Variants in SYTL5 observed in about 807,000 individuals in gnomAD.
SYTL5 encodes the protein synaptotagmin like 5.
SYTL5 carries 34 observed loss-of-function variants against 55.9 expected under a neutral mutation model. The observed-to-expected ratio is 0.61, with a 90% CI of 0.46 to 0.81. SYTL5 has a LOEUF of 0.81. Among genes scored for constraint, SYTL5 ranks in the 30% least tolerant of loss-of-function variants. SYTL5 has a pLI of 0.00. For missense variants in SYTL5, 637 were observed against 546.7 expected (o/e 1.17, Z -1.65); for synonymous variants, 221 against 188.7 (o/e 1.17, Z -1.40).
intron 3 of SYTL5, 57 bp from the exon 4 acceptor site, chrX:38,071,990 G>T (rs1936277225): frequency 1.2e-6 from 1 of 851,706 alleles, no homozygotes; most frequent in Non-Finnish European, 1.7e-6. Flanking sequence ...ATTTTTGAGA[G>T]TTAATTATGT....
At chrX:37,940,077 C>A in the SYTL5 span, among the ~76,000 whole-genome samples, 1 of 109,892 alleles carries the variant, frequency 9.1e-6, no homozygotes, top group Non-Finnish European at 1.9e-5. Flanking sequence ...CTAAGGTGAT[C>A]CGCCCGCCTC....
chrX:38,055,413 G>C, intron 3 of SYTL5, among the ~76,000 whole-genome samples: 1 of 111,328 alleles, frequency 9.0e-6, no homozygotes, highest in Middle Eastern at 4.6e-3. Context: ...AGTCTCTACT[G>C]CTCCCCTCCT....
the SYTL5 span, among the ~76,000 whole-genome samples, chrX:37,985,248 A>G: frequency 8.9e-6 from 1 of 112,028 alleles, no homozygotes; most frequent in Non-Finnish European, 1.9e-5. Context: ...CTAAAAGTCT[A>G]TTAGAACTAG....
the SYTL5 span, chrX:37,946,534 T>C: frequency 5.2e-5 from 10 of 192,587 alleles, no homozygotes; most frequent in Admixed American, 4.8e-4. Context: ...AATTCTTCTT[T>C]GGACATGGGT....
the SYTL5 span, among the ~76,000 whole-genome samples, chrX:37,910,130 C>T: frequency 9.0e-6 from 1 of 111,645 alleles, no homozygotes; most frequent in African/African-American, 3.3e-5. Context: ...GCTAGGGCTG[C>T]CATTCAAAGG....
the SYTL5 span, among the ~76,000 whole-genome samples, chrX:37,976,523 G>A: frequency 8.9e-6 from 1 of 111,906 alleles, no homozygotes; most frequent in African/African-American, 3.3e-5. Context: ...ACGATGAAGT[G>A]TGTATATTCT....
At chrX:37,932,935 G>A in the SYTL5 span, among the ~76,000 whole-genome samples, 4 of 111,255 alleles carry the variant, frequency 3.6e-5, no homozygotes, top group East Asian at 2.8e-4. Flanking sequence ...TGATGGTCTC[G>A]GGGTAGTTGC....
intron 2 of SYTL5, among the ~76,000 whole-genome samples, chrX:38,036,956 T>G (rs1935125806): frequency 8.9e-6 from 1 of 111,927 alleles, no homozygotes; most frequent in Non-Finnish European, 1.9e-5. Flanking sequence ...ATAGTTGGTT[T>G]GTGGTGCCCT....
the SYTL5 span, among the ~76,000 whole-genome samples, chrX:37,996,528 C>G: frequency 1.8e-5 from 2 of 112,333 alleles, no homozygotes; most frequent in Non-Finnish European, 3.8e-5. Flanking sequence ...CCAACCAGGC[C>G]AGGGATCACA....
chrX:38,017,546 C>T (rs893945485), intron 1 of SYTL5, among the ~76,000 whole-genome samples: 8 of 110,147 alleles, frequency 7.3e-5, no homozygotes, highest in Non-Finnish European at 1.5e-4. Context: ...CCTCTTCAGT[C>T]TCTTTCATCA....
chrX:37,892,697 C>CATATATTAGTATATATGT, the SYTL5 span, among the ~76,000 whole-genome samples: 1 of 82,838 alleles, frequency 1.2e-5, no homozygotes, highest in Non-Finnish European at 2.1e-5. Context: ...AGTATATATA[C>CATATATTAGTATATATGT]ATATATTAGT....
At chrX:37,984,752 T>C in the SYTL5 span, among the ~76,000 whole-genome samples, 4 of 110,949 alleles carry the variant, frequency 3.6e-5, no homozygotes, top group African/African-American at 6.5e-5. Flanking sequence ...TAATAGGAAC[T>C]TGAATCCAGC....
chrX:38,006,696 A>T (rs747878981), intron 1 of SYTL5, 28 bp downstream of exon 1: 46 of 111,436 alleles, frequency 4.1e-4, no homozygotes, highest in African/African-American at 1.4e-3. Context: ...AGGGATCTCC[A>T]GTGTGATATC....
chrX:37,987,696 C>T, the SYTL5 span, among the ~76,000 whole-genome samples: 2 of 111,841 alleles, frequency 1.8e-5, no homozygotes, highest in East Asian at 2.8e-4. Context: ...TCCAACAGCT[C>T]ATACCATTTA....
chrX:37,893,416 A>G, the SYTL5 span, among the ~76,000 whole-genome samples: 3 of 97,220 alleles, frequency 3.1e-5, no homozygotes, highest in Admixed American at 1.2e-4. Context: ...TATATATAGT[A>G]TATATCATCT....
the SYTL5 span, among the ~76,000 whole-genome samples, chrX:37,965,602 G>T: frequency 8.9e-6 from 1 of 111,772 alleles, no homozygotes; most frequent in Non-Finnish European, 1.9e-5. Context: ...GGAATATTCT[G>T]TATATGACTG....
intron 1 of SYTL5, among the ~76,000 whole-genome samples, chrX:38,023,499 CT>C (rs1312041189): frequency 1.8e-5 from 2 of 111,773 alleles, no homozygotes; most frequent in African/African-American, 3.3e-5. Context: ...TATCCTGTGC[CT>C]TTTATTATGC....
At chrX:37,967,604 A>G in the SYTL5 span, among the ~76,000 whole-genome samples, 2 of 111,230 alleles carry the variant, frequency 1.8e-5, no homozygotes. Context: ...CCTTTCCAAG[A>G]TTTATGAAGT....
chrX:38,076,581 A>G lies in SYTL5; in HGVS notation c.569A>G (p.Lys190Arg). ...TATAATTTCAGATTTCTTCTTAGCA[A>G]GTTCAGATCGGCAACCAGAGGAGAA... The part of the protein sequence containing the change: ...GPKRKGFLLS[K>R]FRSATRGEII... The change falls in exon 6 of 17, where the codon AAG becomes AGG. Residue 190 changes from lysine (K) to arginine (R), a missense_variant. Physicochemically the swap from Lys to Arg is conservative, Grantham distance 26. Coordinates refer to ENST00000297875, the MANE Select transcript of SYTL5 (RefSeq NM_138780.3). 1 of 1,199,799 alleles carries G rather than the reference A, an allele frequency of 8.3e-7. No individual in the cohort carries two copies. The highest frequency in any genetic ancestry group is 3.0e-5 in the East Asian group (1 of 33,732).
Sources: gnomAD v4.1 joint callset for allele counts (sites outside exome capture counted in the v4.1 genomes callset) on GRCh38, gnomAD v4.1.1 for gene constraint, MANE v1.5 for transcripts, NCBI Gene and HGNC (gene_info 2026-07-23, HGNC 2026-07-21) for gene names.